Variants in TXLNG observed in about 807,000 individuals in gnomAD.
The protein encoded by TXLNG is gamma-taxilin.
A neutral mutation model predicts 38.8 loss-of-function variants in TXLNG; 5 were observed. That is an observed-to-expected ratio of 0.13 (90% confidence interval 0.07 to 0.27). The LOEUF is 0.27. Among genes scored for constraint, TXLNG ranks in the 10% least tolerant of loss-of-function variants. TXLNG has a pLI of 1.00. For synonymous variants in TXLNG, 182 were observed against 158.2 expected (o/e 1.15, Z -1.13); for missense variants, 393 against 398.2 (o/e 0.99, Z 0.11).
intron 5 of TXLNG, among the ~76,000 whole-genome samples, chrX:16,830,881 GTGTGTA>G (rs1214270129): frequency 6.6e-5 from 6 of 91,261 alleles, no homozygotes; most frequent in African/African-American, 7.6e-5. Context: ...GTGTGTGTGT[GTGTGTA>G]TAGAGACAGT....
intron 5 of TXLNG, among the ~76,000 whole-genome samples, chrX:16,831,103 T>G (rs1929397108): frequency 9.0e-6 from 1 of 111,619 alleles, no homozygotes; most frequent in Non-Finnish European, 1.9e-5. Context: ...AAAGTAAGGA[T>G]TTAAGTATAA....
rs763853740 is a variant in TXLNG at position 16,837,050 on chromosome X, T to C, written c.1060-543T>C. Among the ~76,000 whole-genome samples the C allele has an allele frequency of 4.5e-5, 5 of 111,893 alleles. No individual in the cohort carries two copies. In the East Asian group the frequency reaches 1.1e-3, roughly 25 times the overall value. On this transcript the variant is annotated intron_variant, in intron 7 of 9. Coordinates refer to ENST00000380122, the MANE Select transcript of TXLNG (RefSeq NM_018360.3). ...TGCTTGCCTTGTTGGTTAGCATTTT[T>C]CCCTCATCCTTAAATAAAAATTCCT...
chrX:16,818,747 C>T lies in TXLNG; in HGVS notation c.276C>T (p.Asn92=). The change falls in exon 2 of 10, where the codon AAC becomes AAT. Residue 92 remains asparagine (N), a synonymous_variant. Coordinates refer to ENST00000380122, the MANE Select transcript of TXLNG (RefSeq NM_018360.3). ...AAGGCAGTGACTTTATAACAGAGAA[C>T]AGGAATTTGGTGAGCCCAGCATACT... The part of the protein sequence containing the change: ...EDEGSDFITE[N]RNLVSPAYCT... The T allele has an allele frequency of 8.3e-7, 1 of 1,211,946 alleles. No homozygotes were observed. The highest frequency in any genetic ancestry group is 1.1e-6 in the Non-Finnish European group (1 of 895,588).
Position 16,788,670 on chromosome X carries a change from T to G in TXLNG, c.102+2081T>G, listed in dbSNP as rs1440313806. Among the ~76,000 whole-genome samples the G allele has an allele frequency of 3.0e-5, 3 of 98,524 alleles. No homozygotes were observed. The East Asian group carries it at 9.0e-4, about 30-fold the overall frequency. The allele number at this position is 98,524 out of a possible 115,157, so 85.6% of individuals were successfully genotyped here. A position where few individuals can be genotyped will look rare whatever the true frequency, so the allele number is the denominator to read the frequency against. Reference sequence around the variant, plus strand: ...AAAAAACAAACAAACTTGTTGTGTTTTTTTTTTTTTTTTTTGAGTCAGAGT... The same window carrying G: ...AAAAAACAAACAAACTTGTTGTGTTGTTTTTTTTTTTTTTTGAGTCAGAGT... On this transcript the variant is annotated intron_variant, in intron 1 of 9. Coordinates refer to ENST00000380122, the MANE Select transcript of TXLNG (RefSeq NM_018360.3).
intron 9 of TXLNG, 110 bp from the exon 10 acceptor site, chrX:16,841,318 C>A: frequency 1.6e-6 from 1 of 631,444 alleles, no homozygotes; most frequent in Middle Eastern, 4.8e-4. Context: ...GCTGAAGAGA[C>A]GGAACATGTT....
chrX:16,792,031 T>A (rs1215235547), intron 1 of TXLNG, among the ~76,000 whole-genome samples: 1 of 112,559 alleles, frequency 8.9e-6, no homozygotes, highest in Non-Finnish European at 1.9e-5. Flanking sequence ...GGGCTTCTAT[T>A]AAATAGATAT....
chrX:16,793,985 G>A (rs911359974), intron 1 of TXLNG, among the ~76,000 whole-genome samples: 1 of 111,667 alleles, frequency 9.0e-6, no homozygotes, highest in Non-Finnish European at 1.9e-5. Flanking sequence ...TAACAGTTCT[G>A]CTATGTGTCA....
chrX:16,805,167 A>G (rs1325991534), intron 1 of TXLNG, among the ~76,000 whole-genome samples: 1 of 107,968 alleles, frequency 9.3e-6, no homozygotes, highest in Non-Finnish European at 1.9e-5. Context: ...TATTTTTAGT[A>G]GAGACAGGTC....
intron 4 of TXLNG, 66 bp downstream of exon 4, chrX:16,828,330 C>A: frequency 9.7e-7 from 1 of 1,035,903 alleles, no homozygotes; most frequent in Non-Finnish European, 1.3e-6. Flanking sequence ...CAACCCTGTG[C>A]CTATCTGAAA....
intron 1 of TXLNG, among the ~76,000 whole-genome samples, chrX:16,794,149 G>A (rs1277331052): frequency 9.0e-6 from 1 of 111,510 alleles, no homozygotes; most frequent in Non-Finnish European, 1.9e-5. Flanking sequence ...TCAGAGTTTC[G>A]GCTCTTTGGG....
chrX:16,821,855 A>C (rs374924435), intron 3 of TXLNG, among the ~76,000 whole-genome samples: 1 of 106,342 alleles, frequency 9.4e-6, no homozygotes, highest in Non-Finnish European at 1.9e-5. Context: ...TTAGCCTGGC[A>C]TGGTGGCAGG....
At chrX:16,816,079 TTTTTTGAGATGGAGTCTCGC>T (rs1331513110) in intron 1 of TXLNG, among the ~76,000 whole-genome samples, 1 of 109,808 alleles carries the variant, frequency 9.1e-6, no homozygotes, top group Non-Finnish European at 1.9e-5. Flanking sequence ...TTTTTCTTTT[TTTTTTGAGATGGAGTCTCGC>T]TTTGTCACCC....
intron 1 of TXLNG, among the ~76,000 whole-genome samples, chrX:16,812,148 C>T (rs771085236): frequency 6.2e-4 from 57 of 92,065 alleles, no homozygotes; most frequent in Non-Finnish European, 8.1e-4. Context: ...GGATTACAGG[C>T]GCCCGCCACC....
At chrX:16,840,417 G>A (rs1408790008) in intron 9 of TXLNG, 6 of 751,564 alleles carry the variant, frequency 8.0e-6, no homozygotes, top group African/African-American at 4.6e-5. Flanking sequence ...AACAAAGTAC[G>A]TTTTGCCTGT....
At chrX:16,799,029 G>A (rs1200672029) in intron 1 of TXLNG, among the ~76,000 whole-genome samples, 1 of 110,201 alleles carries the variant, frequency 9.1e-6, no homozygotes, top group Non-Finnish European at 1.9e-5. Flanking sequence ...ACAGGCATGC[G>A]CCACCACGCC....
At position 16,841,797 on chromosome X, in the gene TXLNG, T is replaced by C. The variant is rs762832704; in HGVS notation, c.*31T>C. The C allele has an allele frequency of 2.3e-5, 26 of 1,150,982 alleles. 1 individual carries two copies. Among genetic ancestry groups the C allele is most frequent in the African/African-American group, 5.4e-5 (3 of 55,325 alleles). 94.9% of individuals were successfully genotyped at this position (1,150,982 alleles called of 1,213,427 possible). On this transcript the variant is annotated 3_prime_UTR_variant, in exon 10 of 10. Transcript: ENST00000380122. The stretch of plus-strand genomic sequence containing the variant: ...GGTGTGATCACTGTATTGAGAGATA[T>C]ATTTTGTGTATAACTTTCTCTGTTA...
chrX:16,841,414 C>CTTTTTT lies in TXLNG; in HGVS notation c.1249-13_1249-8dup. 1 of 1,176,694 alleles carries CTTTTTT rather than the reference C, an allele frequency of 8.5e-7. No individual in the cohort carries two copies. Among genetic ancestry groups the CTTTTTT allele is most frequent in the Admixed American group, 2.6e-5 (1 of 38,945 alleles). On this transcript the variant is annotated splice_polypyrimidine_tract_variant and intron_variant, in intron 9 of 9. Transcript: ENST00000380122. ...TATTTAACAGGGTTACAGAAATCCT[C>CTTTTTT]TTTTTTCTTACAGAAAACAGTCCGT...
chrX:16,835,058 T>C (rs1929543049), intron 7 of TXLNG, among the ~76,000 whole-genome samples: 1 of 103,371 alleles, frequency 9.7e-6, no homozygotes, highest in African/African-American at 3.6e-5. Context: ...GTGGAATGAG[T>C]GTAGGAGGAG....
At chrX:16,836,984 C>T (rs1397392690) in intron 7 of TXLNG, among the ~76,000 whole-genome samples, 1 of 111,387 alleles carries the variant, frequency 9.0e-6, no homozygotes, top group Non-Finnish European at 1.9e-5. Flanking sequence ...TCTCTGGACT[C>T]CTTTCTAAGG....
Sources: gnomAD v4.1 joint callset for allele counts (sites outside exome capture counted in the v4.1 genomes callset) on GRCh38, gnomAD v4.1.1 for gene constraint, MANE v1.5 for transcripts, NCBI Gene and HGNC (gene_info 2026-07-23, HGNC 2026-07-21) for gene names.